TSPAN14: variants seen among roughly 807,000 people sequenced by gnomAD.
The protein encoded by TSPAN14 is tetraspanin 14.
A neutral mutation model predicts 36.6 loss-of-function variants in TSPAN14; 16 were observed. The observed-to-expected ratio is 0.44, with a 90% confidence interval of 0.30 to 0.66. The LOEUF is 0.66. Among genes scored for constraint, TSPAN14 ranks in the 30% least tolerant of loss-of-function variants. The pLI is 0.12. For missense variants in TSPAN14, 231 were observed against 355.1 expected (o/e 0.65, Z 2.81); for synonymous variants, 139 against 143.8 (o/e 0.97, Z 0.24).
intron 8 of TSPAN14, 47 bp from the exon 9 acceptor site, chr10:80,517,858 C>G: frequency 6.5e-7 from 1 of 1,545,448 alleles, no homozygotes; most frequent in Non-Finnish European, 8.8e-7. Flanking sequence ...TGCCCTCTGC[C>G]TTTGGGCCCC....
chr10:80,465,143 C>T (rs1422601057), intron 1 of TSPAN14, among the ~76,000 whole-genome samples: 1 of 152,112 alleles, frequency 6.6e-6, no homozygotes, highest in Non-Finnish European at 1.5e-5. Flanking sequence ...CCAGGCTTGT[C>T]GGCCACCTGC....
chr10:80,519,117 T>C (rs1009348282), exon 9 of TSPAN14: 3 of 152,726 alleles, frequency 2.0e-5, no homozygotes, highest in African/African-American at 7.2e-5. Flanking sequence ...AGGGCTCCTC[T>C]TGTGGCCATG....
At chr10:80,494,283 C>T (rs370937447) in intron 2 of TSPAN14, among the ~76,000 whole-genome samples, 3 of 152,372 alleles carry the variant, frequency 2.0e-5, no homozygotes, top group African/African-American at 7.2e-5. Flanking sequence ...CTGTGACCAG[C>T]ATGGCTTAAG....
chr10:80,476,509 G>A (rs372488833), intron 1 of TSPAN14, among the ~76,000 whole-genome samples: 14 of 142,748 alleles, frequency 9.8e-5, no homozygotes, highest in Admixed American at 2.2e-4. Context: ...TCCGCCTCCC[G>A]GGTTCACGCC....
At chr10:80,497,276 T>C (rs1392040413) in intron 2 of TSPAN14, among the ~76,000 whole-genome samples, 2 of 152,252 alleles carry the variant, frequency 1.3e-5, no homozygotes, top group Non-Finnish European at 2.9e-5. Flanking sequence ...TTTGTGTGGC[T>C]GAGCAGGATG....
rs1258575911 is a variant in TSPAN14 at position 80,509,376 on chromosome 10, G to C, written c.355G>C (p.Val119Leu). Reference sequence around the variant, plus strand: ...GCTGGCCTTCCTGTTCCAGGACTGGGTGAGGGACCGGTTCCGGGAGTTCTT... The same window carrying C: ...GCTGGCCTTCCTGTTCCAGGACTGGCTGAGGGACCGGTTCCGGGAGTTCTT... The change falls in exon 5 of 9, where the codon GTG becomes CTG. Residue 119 changes from valine (V) to leucine (L), a missense_variant. By Grantham distance (32) the Val-to-Leu change is conservative. Transcript: ENST00000429989. The surrounding 1 kb of genome is among the most constrained non-coding windows in gnomAD (Gnocchi z 4.7). The C allele has an allele frequency of 6.2e-7, 1 of 1,614,046 alleles. No homozygotes were observed.
At chr10:80,459,802 A>C (rs1845890307) in intron 1 of TSPAN14, among the ~76,000 whole-genome samples, 1 of 152,104 alleles carries the variant, frequency 6.6e-6, no homozygotes, top group African/African-American at 2.4e-5. Flanking sequence ...CCGAGGTCTG[A>C]GTGGTGATCC....
At position 80,509,723 on chromosome 10, in the gene TSPAN14, C is replaced by T. The variant is rs1840510336; in HGVS notation, c.450+252C>T. 7 of 484,130 alleles carry T rather than the reference C, an allele frequency of 1.4e-5. No homozygotes were observed. Among genetic ancestry groups the T allele is most frequent in the Non-Finnish European group, 3.7e-6 (1 of 268,976 alleles). 30.0% of individuals were successfully genotyped at this position (484,130 alleles called of 1,614,324 possible). A position where few individuals can be genotyped will look rare whatever the true frequency, so the allele number is the denominator to read the frequency against. Reference sequence around the variant, plus strand: ...CCAGCTGTACCCGAGGCCACCCACCCCCCACGTGCCCGGCCCTCCTCTTTC... The same window carrying T: ...CCAGCTGTACCCGAGGCCACCCACCTCCCACGTGCCCGGCCCTCCTCTTTC... On this transcript the variant is annotated intron_variant, in intron 5 of 8. Transcript: ENST00000429989. The surrounding 1 kb of genome is among the most constrained non-coding windows in gnomAD (Gnocchi z 4.7).
intron 1 of TSPAN14, among the ~76,000 whole-genome samples, chr10:80,475,471 TAGG>T (rs1238894317): frequency 6.6e-6 from 1 of 151,974 alleles, no homozygotes; most frequent in Non-Finnish European, 1.5e-5. Flanking sequence ...GAGGCTGAGG[TAGG>T]AGGACCATGT....
chr10:80,482,893 G>C (rs917184624), intron 1 of TSPAN14, among the ~76,000 whole-genome samples: 3 of 151,446 alleles, frequency 2.0e-5, no homozygotes, highest in African/African-American at 7.3e-5. Flanking sequence ...GAGCCACCAC[G>C]CCTGGCTAAT....
At chr10:80,495,221 A>C (rs1035448752) in intron 2 of TSPAN14, among the ~76,000 whole-genome samples, 1 of 152,066 alleles carries the variant, frequency 6.6e-6, no homozygotes, top group Non-Finnish European at 1.5e-5. Flanking sequence ...TTCCCAGGAG[A>C]GATTAATTGG....
chr10:80,476,529 T>C (rs765990990), intron 1 of TSPAN14, among the ~76,000 whole-genome samples: 28 of 149,386 alleles, frequency 1.9e-4, no homozygotes, highest in Admixed American at 3.4e-4. Flanking sequence ...CATTCTCCTG[T>C]CTCAGCCTCC....
intron 1 of TSPAN14, among the ~76,000 whole-genome samples, chr10:80,483,649 C>T (rs370857320): frequency 2.0e-5 from 3 of 151,962 alleles, no homozygotes; most frequent in South Asian, 4.2e-4. Context: ...TGGCTTATGC[C>T]TATAATCCCA....
At chr10:80,478,253 G>A (rs1847035625) in intron 1 of TSPAN14, among the ~76,000 whole-genome samples, 1 of 152,162 alleles carries the variant, frequency 6.6e-6, no homozygotes, top group Non-Finnish European at 1.5e-5. Context: ...TAAGAGCAGA[G>A]CAAAGATATC....
chr10:80,464,715 C>T (rs919025127), intron 1 of TSPAN14, among the ~76,000 whole-genome samples: 1 of 152,172 alleles, frequency 6.6e-6, no homozygotes, highest in African/African-American at 2.4e-5. Context: ...GGGCCTGGGT[C>T]CTTGGTAGCA....
chr10:80,487,471 C>G (rs1194592402), intron 1 of TSPAN14, among the ~76,000 whole-genome samples: 1 of 152,162 alleles, frequency 6.6e-6, no homozygotes, highest in Non-Finnish European at 1.5e-5. Context: ...GACATTGGAG[C>G]AGGTCACTAA....
At chr10:80,461,874 G>A (rs760630340) in intron 1 of TSPAN14, among the ~76,000 whole-genome samples, 1 of 151,866 alleles carries the variant, frequency 6.6e-6, no homozygotes, top group African/African-American at 2.4e-5. Flanking sequence ...AGGGCTTCAG[G>A]TGCCAGTATG....
chr10:80,509,654 G>A lies in TSPAN14; in HGVS notation c.450+183G>A. 1.6e-6 allele frequency: 1 copy of A among 641,058 alleles called. No individual in the cohort carries two copies. Among genetic ancestry groups the A allele is most frequent in the South Asian group, 2.0e-5 (1 of 49,004 alleles). The allele number at this position is 641,058 out of a possible 1,614,324, so 39.7% of individuals were successfully genotyped here. On this transcript the variant is annotated intron_variant, in intron 5 of 8. Coordinates refer to ENST00000429989, the Ensembl canonical transcript of TSPAN14. This position sits in a 1 kb window ranked among gnomAD's most constrained non-coding sequence, Gnocchi z 4.7. Reference sequence around the variant, plus strand: ...TGTTCCACTTTGCCGGCTTGTGGTTGCCTGGTGGGCCAGCCCTTTCCCATT... The same window carrying A: ...TGTTCCACTTTGCCGGCTTGTGGTTACCTGGTGGGCCAGCCCTTTCCCATT...
chr10:80,510,035 C>T (rs1840531948), intron 5 of TSPAN14: 1 of 153,810 alleles, frequency 6.5e-6, no homozygotes, highest in South Asian at 2.0e-4. Flanking sequence ...AGGCTATGGC[C>T]TTTACTCCAT....
Sources: gnomAD v4.1 joint callset for allele counts (sites outside exome capture counted in the v4.1 genomes callset) on GRCh38, gnomAD v4.1.1 for gene constraint, Gnocchi (gnomAD v3.1) non-coding constraint, MANE v1.5 for transcripts, NCBI Gene and HGNC (gene_info 2026-07-23, HGNC 2026-07-21) for gene names.